The following PRXL2A variants were observed in gnomAD, a reference collection of about 807,000 sequenced individuals.
PRXL2A encodes peroxiredoxin-like 2A.
Under a neutral mutation model 25.6 loss-of-function variants are expected in PRXL2A, and 26 were observed. The observed-to-expected ratio is 1.02, with a 90% confidence interval of 0.74 to 1.41. The LOEUF is 1.41. Ranked by LOEUF, PRXL2A falls within the 40% of genes most tolerant of loss-of-function variation. The pLI is 0.00. For synonymous variants in PRXL2A, 98 were observed against 102.9 expected (o/e 0.95, Z 0.29); for missense variants, 246 against 273.9 (o/e 0.90, Z 0.72).
At chr10:80,424,601 C>G (rs7912171) in intron 3 of PRXL2A, among the ~76,000 whole-genome samples, 1,696 of 150,736 alleles carry the variant, frequency 0.011, 33 homozygotes, top group African/African-American at 0.039. Flanking sequence ...TGCAGTGGCT[C>G]ACACCTGTAC....
At chr10:80,426,802 G>A (rs1845055853) in intron 4 of PRXL2A, among the ~76,000 whole-genome samples, 1 of 152,202 alleles carries the variant, frequency 6.6e-6, no homozygotes, top group Non-Finnish European at 1.5e-5. Flanking sequence ...CCTACCTTGA[G>A]GTCTGAAACT....
At position 80,435,198 on chromosome 10, in the gene PRXL2A, A is replaced by G. The variant is rs1263458241; in HGVS notation, c.*3099A>G. 6.6e-6 allele frequency: 1 copy of G among 152,192 alleles called. No homozygotes were observed. The highest frequency in any genetic ancestry group is 6.5e-5 in the Admixed American group (1 of 15,278). The allele number at this position is 152,192 out of a possible 1,614,324, so 9.4% of individuals were successfully genotyped here. On this transcript the variant is annotated 3_prime_UTR_variant, in exon 6 of 6. Coordinates refer to ENST00000606162, the MANE Select transcript of PRXL2A (RefSeq NM_032333.5). The stretch of plus-strand genomic sequence containing the variant: ...CACTGCACTTCAGCCTGGGTGACAG[A>G]GTGTGACTCCATCTCAAGAAAAACG...
intron 1 of PRXL2A, among the ~76,000 whole-genome samples, chr10:80,410,300 A>G (rs981504053): frequency 7.2e-5 from 11 of 152,260 alleles, no homozygotes; most frequent in African/African-American, 2.7e-4. Flanking sequence ...GCACAGGGAA[A>G]TTACAGCTGG....
intron 1 of PRXL2A, among the ~76,000 whole-genome samples, chr10:80,417,744 A>T (rs145508684): frequency 5.7e-4 from 73 of 128,348 alleles, no homozygotes; most frequent in Admixed American, 1.1e-3. Context: ...CTTCTTCTTC[A>T]TCTTTTTTTT....
intron 1 of PRXL2A, chr10:80,419,895 T>C (rs1194407081): frequency 2.4e-6 from 2 of 832,862 alleles, no homozygotes; most frequent in African/African-American, 3.7e-5. Flanking sequence ...TGCTGGGCAC[T>C]GGCTGGGGGC....
chr10:80,422,281 A>G (rs1027533469), intron 2 of PRXL2A, 136 bp from the exon 3 acceptor site: 4 of 603,174 alleles, frequency 6.6e-6, no homozygotes, highest in Non-Finnish European at 1.2e-5. Context: ...GTCTTTTCCC[A>G]CGTGTGAAAT....
chr10:80,416,214 T>A (rs1270819503), intron 1 of PRXL2A, among the ~76,000 whole-genome samples: 2 of 152,266 alleles, frequency 1.3e-5, no homozygotes, highest in African/African-American at 4.8e-5. Flanking sequence ...TGTGGCAGGT[T>A]CTTTCCTGTT....
chr10:80,433,853 C>G lies in PRXL2A; in HGVS notation c.*1754C>G, dbSNP rs894610810. The G allele has an allele frequency of 5.9e-5, 9 of 152,248 alleles. No individual in the cohort carries two copies. Among genetic ancestry groups the G allele is most frequent in the Non-Finnish European group, 1.2e-4 (8 of 68,070 alleles). 9.4% of individuals were successfully genotyped at this position (152,248 alleles called of 1,614,324 possible). A position where few individuals can be genotyped will look rare whatever the true frequency, so the allele number is the denominator to read the frequency against. The stretch of plus-strand genomic sequence containing the variant: ...TTGCAACTAAAGAAGAACCTGAGGT[C>G]AGGTGTGGTGGCTCACGCCTGTAAT... On this transcript the variant is annotated 3_prime_UTR_variant, in exon 6 of 6. Transcript: ENST00000606162.
rs1294666437 is a variant in PRXL2A at position 80,435,502 on chromosome 10, G to C, written c.*3403G>C. On this transcript the variant is annotated 3_prime_UTR_variant, in exon 6 of 6. Coordinates refer to ENST00000606162, the MANE Select transcript of PRXL2A (RefSeq NM_032333.5). ...TGCTTTTTTTTTTTCTTTATGTACAGGGTCTTGCTCTGTCACCTAGGCTAG... is the reference window on the plus strand; with the variant it reads ...TGCTTTTTTTTTTTCTTTATGTACACGGTCTTGCTCTGTCACCTAGGCTAG... 3 of 151,934 alleles carry C rather than the reference G, an allele frequency of 2.0e-5. No homozygotes were observed. The highest frequency in any genetic ancestry group is 4.4e-5 in the Non-Finnish European group (3 of 67,998). The allele number at this position is 151,934 out of a possible 1,614,324, so 9.4% of individuals were successfully genotyped here. A position where few individuals can be genotyped will look rare whatever the true frequency, so the allele number is the denominator to read the frequency against.
At chr10:80,414,473 C>T (rs1295901829) in intron 1 of PRXL2A, among the ~76,000 whole-genome samples, 1 of 152,080 alleles carries the variant, frequency 6.6e-6, no homozygotes, top group Non-Finnish European at 1.5e-5. Context: ...TGACTGTACA[C>T]GATGACTGAA....
chr10:80,424,500 C>T (rs1344229177), intron 3 of PRXL2A, among the ~76,000 whole-genome samples: 1 of 147,402 alleles, frequency 6.8e-6, no homozygotes, highest in Non-Finnish European at 1.5e-5. Context: ...AGGAAGATTG[C>T]TTGAGCCCAG....
intron 1 of PRXL2A, among the ~76,000 whole-genome samples, chr10:80,418,064 A>G (rs1366313256): frequency 4.7e-5 from 7 of 150,322 alleles, no homozygotes; most frequent in Admixed American, 4.6e-4. Flanking sequence ...CATGGGGTAC[A>G]TATGCATATT....
upstream of PRXL2A, among the ~76,000 whole-genome samples, chr10:80,408,169 TAAAA>T (rs11460235): frequency 7.1e-6 from 1 of 141,244 alleles, no homozygotes. Context: ...CCATGGAGGT[TAAAA>T]AAAAAAAAAA....
intron 1 of PRXL2A, among the ~76,000 whole-genome samples, chr10:80,410,909 G>T (rs1391242263): frequency 6.6e-6 from 1 of 152,190 alleles, no homozygotes; most frequent in African/African-American, 2.4e-5. Context: ...ATCAGCTACT[G>T]GGAAACCCTG....
In PRXL2A at chr10:80,436,630, T is replaced by A. The variant is rs975403212; in HGVS notation, c.*4531T>A. 3 of 152,292 alleles carry A rather than the reference T, an allele frequency of 2.0e-5. No individual in the cohort carries two copies. The highest frequency in any genetic ancestry group is 4.4e-5 in the Non-Finnish European group (3 of 68,116). The allele number at this position is 152,292 out of a possible 1,614,324, so 9.4% of individuals were successfully genotyped here. Reference sequence around the variant, plus strand: ...CAAAAGTTTCTCTCTGACCTTCTCCTGCCCTCTTGTTTCTGGCTTTTCATT... The same window carrying A: ...CAAAAGTTTCTCTCTGACCTTCTCCAGCCCTCTTGTTTCTGGCTTTTCATT... On this transcript the variant is annotated 3_prime_UTR_variant, in exon 6 of 6. Coordinates refer to ENST00000606162, the MANE Select transcript of PRXL2A (RefSeq NM_032333.5).
At chr10:80,408,978 C>CG in intron 1 of PRXL2A, 1 of 969,414 alleles carries the variant, frequency 1.0e-6, no homozygotes, top group African/African-American at 1.8e-5. Flanking sequence ...CCGGTGGCGC[C>CG]AACCTTCGCG....
intron 5 of PRXL2A, among the ~76,000 whole-genome samples, chr10:80,429,606 T>TGCCCTGCCCC: frequency 1.8e-5 from 1 of 55,274 alleles, no homozygotes; most frequent in African/African-American, 7.1e-5. Flanking sequence ...TGCCCTGCCC[T>TGCCCTGCCCC]GCCCTGCCCC....
intron 1 of PRXL2A, among the ~76,000 whole-genome samples, chr10:80,418,809 C>T (rs1363440268): frequency 6.6e-6 from 1 of 152,098 alleles, no homozygotes; most frequent in Non-Finnish European, 1.5e-5. Flanking sequence ...TGGGCTGCTT[C>T]CAGGAGCTCC....
In PRXL2A at chr10:80,436,705, G is replaced by A. The variant is rs545317442; in HGVS notation, c.*4606G>A. On this transcript the variant is annotated 3_prime_UTR_variant, in exon 6 of 6. Coordinates refer to ENST00000606162, the MANE Select transcript of PRXL2A (RefSeq NM_032333.5). The stretch of plus-strand genomic sequence containing the variant: ...CTAGAATCCCTCTTCCCCAAGGCAG[G>A]TCATCAGAAACCAGAACCGGTTTTA... The A allele has an allele frequency of 2.6e-5, 4 of 152,262 alleles. No individual in the cohort carries two copies. The highest frequency in any genetic ancestry group is 7.2e-5 in the African/African-American group (3 of 41,538). 9.4% of individuals were successfully genotyped at this position (152,262 alleles called of 1,614,324 possible).
Sources: gnomAD v4.1 joint callset for allele counts (sites outside exome capture counted in the v4.1 genomes callset) on GRCh38, gnomAD v4.1.1 for gene constraint, MANE v1.5 for transcripts, NCBI Gene and HGNC (gene_info 2026-07-23, HGNC 2026-07-21) for gene names.